CGREF1: variants seen among roughly 807,000 people sequenced by gnomAD.
The protein encoded by CGREF1 is cell growth regulator with EF hand domain protein 1.
CGREF1 carries 16 observed loss-of-function variants against 17.4 expected under a neutral mutation model. The observed-to-expected ratio is 0.92, with a 90% CI of 0.62 to 1.40. CGREF1 has a LOEUF of 1.40. CGREF1 is among the 40% of genes most tolerant of loss of function. The pLI, the probability that CGREF1 is intolerant of heterozygous loss-of-function variation, is 0.00. For missense variants in CGREF1, 296 were observed against 376.4 expected, an observed-to-expected ratio of 0.79 and a Z score of 1.77; for synonymous variants, 142 against 154.6, an observed-to-expected ratio of 0.92 and a Z score of 0.61.
In CGREF1 at chr2:27,101,670, G is replaced by A; in HGVS notation, c.561C>T (p.Pro187=). 6.2e-7 allele frequency: 1 copy of A among 1,614,240 alleles called. No homozygotes were observed. The highest frequency in any genetic ancestry group is 8.5e-7 in the Non-Finnish European group (1 of 1,180,052). ...CTACCTGGCCCTTTGCTTCTTCTCTGGGACCAGGGGCTTCCTGTGTTTCTT... is the reference window on the plus strand; with the variant it reads ...CTACCTGGCCCTTTGCTTCTTCTCTAGGACCAGGGGCTTCCTGTGTTTCTT... ...LRQETQEAPG[P]REEAKGQVEA... is the part of the protein sequence containing the mutation. Residue 187 remains proline (P), a synonymous_variant, in exon 6 of 6, where the codon CCC becomes CCT. Coordinates refer to ENST00000402394, the MANE Select transcript of CGREF1 (RefSeq NM_006569.6).
At chr2:27,113,297 A>G (rs576347417) in intron 1 of CGREF1, among the ~76,000 whole-genome samples, 1 of 152,274 alleles carries the variant, frequency 6.6e-6, no homozygotes, top group African/African-American at 2.4e-5. Flanking sequence ...AGAGAATACC[A>G]TGGAAAGCAC....
chr2:27,115,965 G>A (rs1411021097), intron 1 of CGREF1, among the ~76,000 whole-genome samples: 1 of 152,136 alleles, frequency 6.6e-6, no homozygotes, highest in African/African-American at 2.4e-5. Context: ...TGTAATCCCA[G>A]TACTTCGCAG....
chr2:27,101,647 A>G lies in CGREF1; in HGVS notation c.584T>C (p.Val195Ala). The G allele has an allele frequency of 6.2e-7, 1 of 1,613,944 alleles. No individual in the cohort carries two copies. Among genetic ancestry groups the G allele is most frequent in the Non-Finnish European group, 8.5e-7 (1 of 1,179,978 alleles). Residue 195 changes from valine to alanine, a missense_variant, in exon 6 of 6, where the codon GTA becomes GCA. Val to Ala is a moderately conservative substitution (Grantham distance 64). This residue lies in a region of CGREF1 where 247 missense variants were observed against 267.2 expected (regional missense o/e 0.92). Coordinates refer to ENST00000402394, the MANE Select transcript of CGREF1 (RefSeq NM_006569.6). ...PGPREEAKGQ[V>A]EARRESLDPV... ...ATCCAAAGACTCCCTTCTGGCCTCT[A>G]CCTGGCCCTTTGCTTCTTCTCTGGG...
At chr2:27,109,232 C>T (rs1250137865) in intron 1 of CGREF1, among the ~76,000 whole-genome samples, 2 of 151,708 alleles carry the variant, frequency 1.3e-5, no homozygotes, top group Non-Finnish European at 2.9e-5. Context: ...ATTAGCCGGG[C>T]ATGGTGGGGT....
At chr2:27,114,199 T>A (rs1255301897) in intron 1 of CGREF1, among the ~76,000 whole-genome samples, 3 of 151,990 alleles carry the variant, frequency 2.0e-5, no homozygotes, top group African/African-American at 7.3e-5. Flanking sequence ...TTCACCATGT[T>A]GGCCAGGATG....
chr2:27,099,594 G>A (rs201072096), downstream of CGREF1: 142 of 1,614,130 alleles, frequency 8.8e-5, 1 homozygote, highest in Non-Finnish European at 3.1e-5. Flanking sequence ...ATGGCAGCAG[G>A]AGGGGAAAAG....
intron 2 of CGREF1, among the ~76,000 whole-genome samples, 156 bp from the exon 3 acceptor site, chr2:27,102,747 G>C (rs1468839405): frequency 6.6e-6 from 1 of 152,214 alleles, no homozygotes; most frequent in Non-Finnish European, 1.5e-5. Flanking sequence ...GGCTCTTCTG[G>C]TCTCCTTGGA....
chr2:27,101,403 AGCTTCCCCTCTGGGCCCGGGG>A lies in CGREF1; in HGVS notation c.807_827del (p.Pro270_Ala276del). 434 of 1,569,144 alleles carry A rather than the reference AGCTTCCCCTCTGGGCCCGGGG, an allele frequency of 2.8e-4. No homozygotes were observed. Among genetic ancestry groups the A allele is most frequent in the Middle Eastern group, 6.8e-4 (4 of 5,912 alleles). On this transcript the variant is annotated inframe_deletion, in exon 6 of 6. Coordinates refer to ENST00000402394, the MANE Select transcript of CGREF1 (RefSeq NM_006569.6). Reference sequence around the variant, plus strand: ...TCTCCCTGGCCTCTGCCTGGCCCCCAGCTTCCCCTCTGGGCCCGGGGGCATCTCCTTCAGCCTCTGCCTGGC... The same window carrying A: ...TCTCCCTGGCCTCTGCCTGGCCCCCAGCATCTCCTTCAGCCTCTGCCTGGC...
rs1422773183 is a variant in CGREF1 at position 27,114,272 on chromosome 2, T to A, written c.-12+4574A>T. ...CCTCCCAAAGTGCTGGGATTATAGGTGTGAGCCACCACACCCGGCCCTCAG... is the reference window on the plus strand; with the variant it reads ...CCTCCCAAAGTGCTGGGATTATAGGAGTGAGCCACCACACCCGGCCCTCAG... On this transcript the variant is annotated intron_variant, in intron 1 of 5. Transcript: ENST00000402394. Among the ~76,000 whole-genome samples, 5 of 152,062 alleles carry A rather than the reference T, an allele frequency of 3.3e-5. No individual in the cohort carries two copies. In the South Asian group the frequency reaches 6.2e-4, roughly 19 times the overall value.
intron 1 of CGREF1, 69 bp from the exon 2 acceptor site, chr2:27,104,446 G>C: frequency 1.9e-6 from 3 of 1,582,016 alleles, no homozygotes; most frequent in Non-Finnish European, 2.6e-6. Context: ...GATGGGCTGG[G>C]TTAGACACAA....
intron 2 of CGREF1, among the ~76,000 whole-genome samples, chr2:27,103,621 G>A (rs996249591): frequency 1.4e-4 from 21 of 151,020 alleles, no homozygotes; most frequent in Non-Finnish European, 2.4e-4. Flanking sequence ...TGATCTGTCC[G>A]CCTCGGCCTC....
In CGREF1 at chr2:27,104,405, G is replaced by A. The variant is rs868638005; in HGVS notation, c.-11-28C>T. 25 of 1,610,766 alleles carry A rather than the reference G, an allele frequency of 1.6e-5. No individual in the cohort carries two copies. In the Middle Eastern group the frequency reaches 4.9e-4, roughly 32 times the overall value. ...GGAACAAGGAAGAGAATCAGGGGTC[G>A]GGGGAAAGAGGCGTCTGCCACCGTG... On this transcript the variant is annotated intron_variant, in intron 1 of 5. Transcript: ENST00000402394.
chr2:27,100,669 T>A lies in CGREF1; in HGVS notation c.*605A>T. On this transcript the variant is annotated 3_prime_UTR_variant, in exon 6 of 6. Coordinates refer to ENST00000402394, the MANE Select transcript of CGREF1 (RefSeq NM_006569.6). The stretch of plus-strand genomic sequence containing the variant: ...ACTTAACGCAATCTGCCTCAATTTC[T>A]TCATCTGTCAAATGGAACCAATTCT... 9.3e-7 allele frequency: 1 copy of A among 1,075,986 alleles called. No homozygotes were observed. The highest frequency in any genetic ancestry group is 1.2e-6 in the Non-Finnish European group (1 of 832,706). 66.7% of individuals were successfully genotyped at this position (1,075,986 alleles called of 1,614,324 possible).
intron 1 of CGREF1, among the ~76,000 whole-genome samples, chr2:27,111,315 T>G (rs1671372103): frequency 6.6e-6 from 1 of 152,210 alleles, no homozygotes; most frequent in African/African-American, 2.4e-5. Context: ...AACCCAGAGC[T>G]AGACACAGGG....
chr2:27,099,524 C>T, downstream of CGREF1: 1 of 1,614,194 alleles, frequency 6.2e-7, no homozygotes, highest in Middle Eastern at 1.6e-4. Flanking sequence ...GTGGTGGATA[C>T]ACTGGGAGCT....
chr2:27,102,899 A>G (rs906512418), intron 2 of CGREF1: 4 of 983,518 alleles, frequency 4.1e-6, no homozygotes, highest in Non-Finnish European at 4.8e-6. Flanking sequence ...CCAAGAAAAC[A>G]GCCCAGTGAG....
Position 27,100,749 on chromosome 2 carries a change from AT to A in CGREF1, c.*524del, listed in dbSNP as rs745493492. On this transcript the variant is annotated 3_prime_UTR_variant, in exon 6 of 6. Transcript: ENST00000402394. Reference sequence around the variant, plus strand: ...AATCATATATAAAATGCCCAGCATGATGCCTGATGTGTACAAGGCTCTCAAA... The same window carrying A: ...AATCATATATAAAATGCCCAGCATGAGCCTGATGTGTACAAGGCTCTCAAA... 1.7e-6 allele frequency: 2 copies of A among 1,158,812 alleles called. No individual in the cohort carries two copies. The highest frequency in any genetic ancestry group is 2.2e-6 in the Non-Finnish European group (2 of 916,700). The allele number at this position is 1,158,812 out of a possible 1,614,324, so 71.8% of individuals were successfully genotyped here.
At chr2:27,107,254 T>TTTTTTGTTTTG (rs112330663) in intron 1 of CGREF1, among the ~76,000 whole-genome samples, 1 of 151,356 alleles carries the variant, frequency 6.6e-6, no homozygotes, top group African/African-American at 2.4e-5. Flanking sequence ...GTTCACATTT[T>TTTTTTGTTTTG]TTTTGTTTTG....
intron 1 of CGREF1, among the ~76,000 whole-genome samples, chr2:27,109,926 T>G (rs1671291916): frequency 6.9e-6 from 1 of 145,538 alleles, no homozygotes; most frequent in Non-Finnish European, 1.5e-5. Flanking sequence ...GTTAAAATTT[T>G]AAGGATAACC....
Sources: gnomAD v4.1 joint callset for allele counts (sites outside exome capture counted in the v4.1 genomes callset) on GRCh38, gnomAD v4.1.1 for gene constraint, gnomAD v4.1.1 regional missense constraint, MANE v1.5 for transcripts, NCBI Gene and HGNC (gene_info 2026-07-23, HGNC 2026-07-21) for gene names.